Variants in COL27A1 observed in about 807,000 individuals in gnomAD.
The protein encoded by COL27A1 is collagen type XXVII alpha 1 chain.
In COL27A1, 106 loss-of-function variants were observed where a neutral mutation model predicts 251.3. The observed-to-expected ratio is 0.42, with a 90% CI of 0.36 to 0.50. The LOEUF (loss-of-function observed/expected upper bound fraction) is 0.50, where lower values mean the gene tolerates loss of function less well. Among genes scored for constraint, COL27A1 ranks in the 20% least tolerant of loss-of-function variants. The pLI is 0.00. For missense variants in COL27A1, 2,325 were observed against 2,522.8 expected, an observed-to-expected ratio of 0.92 and a Z score of 1.68; for synonymous variants, 1,000 against 986.3, an observed-to-expected ratio of 1.01 and a Z score of -0.26.
At chr9:114,183,100 C>A in intron 5 of COL27A1, 25 bp downstream of exon 5, 3 of 1,607,578 alleles carry the variant, frequency 1.9e-6, no homozygotes, top group Non-Finnish European at 2.6e-6. Context: ...GAGATGTGGC[C>A]ATGGAGTGGG....
intron 7 of COL27A1, 84 bp from the exon 8 acceptor site, chr9:114,205,018 G>A (rs1829849542): frequency 7.4e-7 from 1 of 1,348,410 alleles, no homozygotes; most frequent in Non-Finnish European, 1.1e-6. Flanking sequence ...TGCTGAACAG[G>A]GCAGGCCGGG....
In COL27A1 at chr9:114,301,441, C is replaced by A. The variant is rs1164984933; in HGVS notation, c.4792-4C>A. Reference sequence around the variant, plus strand: ...CTCTCTCCCCTGCTTCTGTCTCCCTCCAGGGATTGCAAGGTCCGAGGGTGA... The same window carrying A: ...CTCTCTCCCCTGCTTCTGTCTCCCTACAGGGATTGCAAGGTCCGAGGGTGA... On this transcript the variant is annotated splice_polypyrimidine_tract_variant and splice_region_variant and intron_variant, in intron 53 of 60. Coordinates refer to ENST00000356083, the MANE Select transcript of COL27A1 (RefSeq NM_032888.4). 2 of 1,611,890 alleles carry A rather than the reference C, an allele frequency of 1.2e-6. No individual in the cohort carries two copies.
At chr9:114,227,935 G>A (rs919960354) in intron 14 of COL27A1, among the ~76,000 whole-genome samples, 84 of 152,266 alleles carry the variant, frequency 5.5e-4, no homozygotes, top group African/African-American at 1.8e-3. Context: ...TGTTCCTCCC[G>A]GAAATGCTTT....
At chr9:114,227,381 A>C (rs883348) in intron 14 of COL27A1, among the ~76,000 whole-genome samples, 15,347 of 149,582 alleles carry the variant, frequency 0.1, 1,008 homozygotes, top group African/African-American at 0.19. Flanking sequence ...TCAGACAGAC[A>C]GACAGATGGA....
chr9:114,231,192 T>C (rs1831924414), intron 15 of COL27A1, 60 bp downstream of exon 15: 1 of 1,497,626 alleles, frequency 6.7e-7, no homozygotes, highest in East Asian at 2.3e-5. Flanking sequence ...CCCGACCCAT[T>C]TCAGCCCAGA....
intron 52 of COL27A1, 42 bp downstream of exon 52, chr9:114,301,167 GC>G: frequency 6.2e-7 from 1 of 1,612,858 alleles, no homozygotes; most frequent in Non-Finnish European, 8.5e-7. Flanking sequence ...GGGTCCCCTT[GC>G]CTTCCTGGCT....
Position 114,264,426 on chromosome 9 carries a change from C to G in COL27A1, c.3249+18C>G, listed in dbSNP as rs1399786418. 1 of 1,541,402 alleles carries G rather than the reference C, an allele frequency of 6.5e-7. No individual in the cohort carries two copies. On this transcript the variant is annotated intron_variant, in intron 29 of 60. Transcript: ENST00000356083. ...GCCTGAAGGTACCGACCCCTAGGAC[C>G]TGCCCTTCCTCACTCCTCCGACACT...
Position 114,205,154 on chromosome 9 carries a change from C to T in COL27A1, c.2169+8C>T, listed in dbSNP as rs371511114. ...GGGCACCCCGGAGAACAGGTGAGGG[C>T]CTCAGCCTCAGCCCTGCCCTGGTCG... is the stretch of plus-strand genomic sequence containing the variant. On this transcript the variant is annotated splice_region_variant and intron_variant, in intron 8 of 60. Transcript: ENST00000356083. The T allele has an allele frequency of 6.2e-6, 10 of 1,610,394 alleles. No homozygotes were observed. Among genetic ancestry groups the T allele is most frequent in the Admixed American group, 1.7e-5 (1 of 59,910 alleles).
At chr9:114,171,389 T>C (rs1849311170) in intron 3 of COL27A1, among the ~76,000 whole-genome samples, 1 of 152,078 alleles carries the variant, frequency 6.6e-6, no homozygotes, top group Non-Finnish European at 1.5e-5. Context: ...GACTCAGATC[T>C]GGGGGACTGG....
intron 27 of COL27A1, among the ~76,000 whole-genome samples, chr9:114,253,495 TGAAG>T (rs905920112): frequency 4.1e-5 from 6 of 145,366 alleles, no homozygotes; most frequent in Non-Finnish European, 6.1e-5. Flanking sequence ...AAGGAAGGAA[TGAAG>T]GAAGGAAGGA....
chr9:114,195,153 A>G (rs556100039), intron 6 of COL27A1, among the ~76,000 whole-genome samples: 59 of 152,276 alleles, frequency 3.9e-4, no homozygotes, highest in African/African-American at 1.3e-3. Context: ...TTCCTTCTGG[A>G]CACAGCCCCA....
chr9:114,274,085 T>G (rs985238991), intron 36 of COL27A1: 13 of 152,052 alleles, frequency 8.5e-5, no homozygotes, highest in African/African-American at 2.9e-4. Context: ...CTACTAAAAA[T>G]ACAAAAATTA....
chr9:114,295,130 G>C (rs943879701), intron 49 of COL27A1, among the ~76,000 whole-genome samples: 1 of 152,188 alleles, frequency 6.6e-6, no homozygotes. Context: ...CAAATGAATT[G>C]CATTTCTATA....
chr9:114,275,632 C>T (rs759765155), intron 36 of COL27A1, 29 bp from the exon 37 acceptor site: 2 of 1,449,480 alleles, frequency 1.4e-6, no homozygotes, highest in African/African-American at 2.8e-5. Context: ...TTCTCTCTCT[C>T]TCTCCCCTCT....
intron 44 of COL27A1, 49 bp downstream of exon 44, chr9:114,289,016 G>A (rs764520388): frequency 1.8e-5 from 29 of 1,600,730 alleles, no homozygotes; most frequent in Admixed American, 3.3e-5. Flanking sequence ...TGAGTGGGGC[G>A]GAGCAGTGGG....
intron 48 of COL27A1, among the ~76,000 whole-genome samples, chr9:114,291,130 T>C (rs1827884037): frequency 6.6e-6 from 1 of 152,168 alleles, no homozygotes; most frequent in South Asian, 2.1e-4. Flanking sequence ...ATATCGCCCC[T>C]ACCAGGCCCT....
chr9:114,218,427 C>G (rs1369276798), intron 12 of COL27A1: 2 of 152,386 alleles, frequency 1.3e-5, no homozygotes, highest in Non-Finnish European at 2.9e-5. Context: ...ATGCCAAACT[C>G]CAGAGGTGGA....
chr9:114,269,614 CAAAAAAAAAA>C (rs552967033), intron 35 of COL27A1, among the ~76,000 whole-genome samples: 2 of 69,222 alleles, frequency 2.9e-5, no homozygotes, highest in Non-Finnish European at 5.5e-5. Context: ...GACTCCATCT[CAAAAAAAAAA>C]AAAAAAAAAA....
At chr9:114,268,928 CCT>C (rs1224309058) in intron 34 of COL27A1, 11 of 270,042 alleles carry the variant, frequency 4.1e-5, no homozygotes, top group Middle Eastern at 1.1e-3. Flanking sequence ...AGAATGAGAC[CCT>C]GTTTCAAAAA....
Sources: allele counts gnomAD v4.1 joint callset (sites outside exome capture counted in the v4.1 genomes callset), GRCh38; gene constraint gnomAD v4.1.1; transcripts MANE v1.5; gene names NCBI Gene and HGNC (gene_info 2026-07-23, HGNC 2026-07-21).